SPATA3: variants seen among roughly 807,000 people sequenced by gnomAD.
SPATA3 encodes the protein spermatogenesis-associated protein 3.
A neutral mutation model predicts 5.7 loss-of-function variants in SPATA3; 6 were observed. That is an observed-to-expected ratio of 1.06 (90% CI 0.58 to 2.09). The LOEUF is 2.09. Among genes scored for constraint, SPATA3 ranks in the 30% most tolerant of loss-of-function variants. The pLI is 0.00. For synonymous variants in SPATA3, 44 were observed against 48.4 expected, an observed-to-expected ratio of 0.91 and a Z score of 0.37; for missense variants, 155 against 130.4, an observed-to-expected ratio of 1.19 and a Z score of -0.92.
At chr2:231,004,443 A>G (rs1032068696), downstream of SPATA3, among the ~76,000 whole-genome samples, 2 of 152,108 alleles carry the variant, frequency 1.3e-5, no homozygotes, top group African/African-American at 2.4e-5. Flanking sequence ...CTGCTGCCTG[A>G]TAGCTGGGTG....
downstream of SPATA3, among the ~76,000 whole-genome samples, chr2:231,005,388 CCAT>C (rs1692562441): frequency 2.3e-5 from 2 of 85,566 alleles, no homozygotes; most frequent in African/African-American, 4.5e-5. Flanking sequence ...ATCACCACCA[CCAT>C]CATCACCACC....
At chr2:231,001,491 A>G (rs2125099665) in intron 2 of SPATA3, among the ~76,000 whole-genome samples, 1 of 151,808 alleles carries the variant, frequency 6.6e-6, no homozygotes, top group East Asian at 1.9e-4. Context: ...TCTCCTACAC[A>G]TGGAGATAAG....
chr2:230,997,427 C>T (rs924737737), intron 1 of SPATA3, among the ~76,000 whole-genome samples: 1 of 152,158 alleles, frequency 6.6e-6, no homozygotes, highest in African/African-American at 2.4e-5. Flanking sequence ...ATGTCTTTAT[C>T]AGCAGTGTGA....
intron 2 of SPATA3, 60 bp downstream of exon 2, chr2:231,000,597 C>T (rs1692314263): frequency 1.5e-6 from 2 of 1,360,840 alleles, no homozygotes; most frequent in Non-Finnish European, 1.9e-6. Flanking sequence ...AGGCTCTGCC[C>T]CCAGACCTTA....
chr2:231,001,079 G>A (rs1692336492), intron 2 of SPATA3, among the ~76,000 whole-genome samples: 2 of 152,284 alleles, frequency 1.3e-5, no homozygotes, highest in South Asian at 2.1e-4. Flanking sequence ...CTCTTTCTGG[G>A]GGTCTCCACA....
At chr2:231,017,624 G>A (rs1258809657) in intron 6 of SPATA3, among the ~76,000 whole-genome samples, 1 of 152,224 alleles carries the variant, frequency 6.6e-6, no homozygotes, top group Non-Finnish European at 1.5e-5. Context: ...TGTGAGAGAA[G>A]GCAGAATATC....
At position 231,000,369 on chromosome 2, in the gene SPATA3, C is replaced by A. The variant is rs1214001539; in HGVS notation, c.794C>A (p.Pro265His). Residue 265 changes from proline (P) to histidine (H), a missense_variant, in exon 2 of 3, where the codon CCT (proline) becomes CAT (histidine). By Grantham distance (77) the Pro-to-His change is moderately conservative. Transcript: ENST00000645363. Reference sequence around the variant, plus strand: ...CTCTCTCCTTCTGTCCCCACAGGGCCTCTGATTCGCGCCGGCCCGCATTCC... The same window carrying A: ...CTCTCTCCTTCTGTCCCCACAGGGCATCTGATTCGCGCCGGCCCGCATTCC... 4.0e-6 allele frequency: 6 copies of A among 1,498,830 alleles called. No individual in the cohort carries two copies. In the African/African-American group the frequency reaches 7.0e-5, roughly 17 times the overall value. 92.8% of individuals were successfully genotyped at this position (1,498,830 alleles called of 1,614,324 possible). A position where few individuals can be genotyped will look rare whatever the true frequency, so the allele number is the denominator to read the frequency against.
At chr2:231,011,203 C>T (rs560465421), downstream of SPATA3, among the ~76,000 whole-genome samples, 10 of 152,204 alleles carry the variant, frequency 6.6e-5, no homozygotes, top group East Asian at 1.9e-3. Flanking sequence ...CAACCTCCAC[C>T]TCCCGGGTTC....
At chr2:231,005,316 TCATCATCACCATCATCACCATCAC>T (rs1692547201), downstream of SPATA3, among the ~76,000 whole-genome samples, 2 of 7,268 alleles carry the variant, frequency 2.8e-4, no homozygotes, top group Admixed American at 2.9e-3. Context: ...ATCACCACCA[TCATCATCACCATCATCACCATCAC>T]CATCATCACC....
downstream of SPATA3, among the ~76,000 whole-genome samples, chr2:231,003,591 C>A (rs533656963): frequency 6.6e-6 from 1 of 152,282 alleles, no homozygotes; most frequent in Non-Finnish European, 1.5e-5. Context: ...CCCTCTGGTG[C>A]TCCTCCTTGT....
At chr2:231,013,611 C>T (rs936589863) in intron 5 of SPATA3, among the ~76,000 whole-genome samples, 1 of 152,146 alleles carries the variant, frequency 6.6e-6, no homozygotes, top group African/African-American at 2.4e-5. Flanking sequence ...CTGCCTCAGC[C>T]TCCCAAGTAG....
intron 6 of SPATA3, among the ~76,000 whole-genome samples, chr2:231,019,187 T>A (rs1004018280): frequency 2.6e-5 from 4 of 150,998 alleles, no homozygotes; most frequent in Non-Finnish European, 4.4e-5. Context: ...GCCAGGATGG[T>A]CTCGATCTCC....
intron 6 of SPATA3, among the ~76,000 whole-genome samples, chr2:231,014,789 C>T (rs1157970143): frequency 6.6e-6 from 1 of 152,192 alleles, no homozygotes; most frequent in East Asian, 1.9e-4. Flanking sequence ...CAAACACTTC[C>T]ATCTTTCTCA....
chr2:231,010,535 T>C (rs1692754024), downstream of SPATA3, among the ~76,000 whole-genome samples: 1 of 152,218 alleles, frequency 6.6e-6, no homozygotes, highest in Non-Finnish European at 1.5e-5. Context: ...GTAATACTTT[T>C]AGGTTTTCTG....
downstream of SPATA3, among the ~76,000 whole-genome samples, chr2:231,011,900 C>A (rs911410913): frequency 5.3e-5 from 8 of 152,148 alleles, no homozygotes; most frequent in Admixed American, 4.6e-4. Context: ...GGCAGCTCCC[C>A]CTCTGTATGT....
At chr2:231,008,483 C>G (rs966463195), downstream of SPATA3, among the ~76,000 whole-genome samples, 2 of 152,166 alleles carry the variant, frequency 1.3e-5, no homozygotes, top group African/African-American at 4.8e-5. Context: ...AGGCAGGGAG[C>G]TGGTTTACCC....
chr2:230,999,454 C>T (rs540300819), intron 1 of SPATA3: 33 of 152,276 alleles, frequency 2.2e-4, no homozygotes, highest in Non-Finnish European at 4.1e-4. Flanking sequence ...ATCCCCTCTC[C>T]TCATTCCGGG....
downstream of SPATA3, among the ~76,000 whole-genome samples, chr2:231,005,313 CCATCAT>C (rs1559197657): frequency 2.2e-5 from 1 of 44,966 alleles, no homozygotes; most frequent in African/African-American, 8.0e-5. Context: ...ACCATCACCA[CCATCAT>C]CATCACCATC....
At chr2:231,002,965 C>G (rs74675148), downstream of SPATA3, 1 of 434,634 alleles carries the variant, frequency 2.3e-6, no homozygotes, top group South Asian at 7.2e-5. Context: ...CTAGGGAAGA[C>G]CTGATGCTCT....
Sources: gnomAD v4.1 joint callset for allele counts (sites outside exome capture counted in the v4.1 genomes callset) on GRCh38, gnomAD v4.1.1 for gene constraint, MANE v1.5 for transcripts, NCBI Gene and HGNC (gene_info 2026-07-23, HGNC 2026-07-21) for gene names.